Variants in HIVEP1 observed in about 807,000 individuals in gnomAD.
The protein encoded by HIVEP1 is zinc finger protein 40.
Under a neutral mutation model 180.0 loss-of-function variants are expected in HIVEP1, and 36 were observed. The ratio of observed to expected loss-of-function variants is 0.20; its 90% CI spans 0.15 to 0.26. The LOEUF (loss-of-function observed/expected upper bound fraction) is 0.26. HIVEP1 is among the 10% of genes least tolerant of loss of function. The probability of loss-of-function intolerance (pLI) is 1.00; values close to 1 mark genes in which losing one functional copy is unlikely to be tolerated. For synonymous variants in HIVEP1, 1,239 were observed against 1,239.0 expected, an observed-to-expected ratio of 1.00 and a Z score of 0.00; for missense variants, 3,143 against 3,268.7, an observed-to-expected ratio of 0.96 and a Z score of 0.94.
intron 2 of HIVEP1, among the ~76,000 whole-genome samples, chr6:12,052,826 G>C (rs1160764834): frequency 6.6e-6 from 1 of 152,104 alleles, no homozygotes; most frequent in Non-Finnish European, 1.5e-5. Context: ...ATTAAGACTA[G>C]GTAACCATCT....
In HIVEP1 at chr6:12,021,674, T is replaced by C. The variant is rs546497616; in HGVS notation, c.40+6006T>C. 2.6e-5 allele frequency among the ~76,000 whole-genome samples: 4 copies of C among 152,346 alleles called. No individual in the cohort carries two copies. In the South Asian group the frequency reaches 8.3e-4, roughly 32 times the overall value. On this transcript the variant is annotated intron_variant, in intron 2 of 8. Coordinates refer to ENST00000379388, the MANE Select transcript of HIVEP1 (RefSeq NM_002114.4). ...GAAGAATATTTGGTTGTGTTAACTT[T>C]TTGTTTTTGAGACGGAGTTTCACTC...
At position 12,056,101 on chromosome 6, in the gene HIVEP1, G is replaced by A. The variant is rs901019683; in HGVS notation, c.41-33083G>A. On this transcript the variant is annotated intron_variant, in intron 2 of 8. Transcript: ENST00000379388. The stretch of plus-strand genomic sequence containing the variant: ...TTATCCTTGATCTGGTAAAAGGCTG[G>A]AATAGAGAAACTAAGGTTAAAAAAA... Among the ~76,000 whole-genome samples the A allele has an allele frequency of 2.0e-5, 3 of 152,030 alleles. No individual in the cohort carries two copies. The East Asian group carries it at 5.8e-4, about 29-fold the overall frequency.
At chr6:12,182,442 ACT>A in the HIVEP1 span, among the ~76,000 whole-genome samples, 2 of 152,196 alleles carry the variant, frequency 1.3e-5, no homozygotes, top group African/African-American at 4.8e-5. Context: ...GTTATTGGTG[ACT>A]CTAAGAGATC....
At chr6:12,140,460 C>G (rs1423017172) in intron 7 of HIVEP1, among the ~76,000 whole-genome samples, 2 of 152,224 alleles carry the variant, frequency 1.3e-5, no homozygotes, top group African/African-American at 4.8e-5. Context: ...AGACCCTCTT[C>G]TCTTCCAAAA....
chr6:12,170,672 G>A, the HIVEP1 span, among the ~76,000 whole-genome samples: 1 of 152,270 alleles, frequency 6.6e-6, no homozygotes, highest in Non-Finnish European at 1.5e-5. Context: ...TGACGAAGCC[G>A]CAATAATATT....
intron 7 of HIVEP1, among the ~76,000 whole-genome samples, chr6:12,158,606 C>T (rs1217692495): frequency 2.0e-5 from 3 of 152,178 alleles, no homozygotes; most frequent in Admixed American, 1.3e-4. Context: ...CTCGTACCTG[C>T]ACCATTTTCT....
chr6:12,028,725 T>G (rs528421407), intron 2 of HIVEP1, among the ~76,000 whole-genome samples: 2 of 152,240 alleles, frequency 1.3e-5, no homozygotes, highest in African/African-American at 4.8e-5. Context: ...ATAATTTACA[T>G]GCAATAAAAT....
Position 12,125,749 on chromosome 6 carries a change from C to A in HIVEP1, c.5954C>A (p.Ala1985Glu). ...PNPLGLPTKV[A>E]LALLNSKQNT... ...CCACTCGGTTTGCCCACAAAAGTTGCACTTGCTCTCCTTAATTCAAAACAG... is the reference window on the plus strand; with the variant it reads ...CCACTCGGTTTGCCCACAAAAGTTGAACTTGCTCTCCTTAATTCAAAACAG... Residue 1985 changes from alanine to glutamate, a missense_variant, in exon 4 of 9, where the codon GCA becomes GAA. Around this residue, in one of 12 missense-constraint regions of HIVEP1, gnomAD observed 1,357 missense variants for 1,260.5 expected, o/e 1.08. Coordinates refer to ENST00000379388, the MANE Select transcript of HIVEP1 (RefSeq NM_002114.4). 1.2e-6 allele frequency: 2 copies of A among 1,614,090 alleles called. No individual in the cohort carries two copies. The highest frequency in any genetic ancestry group is 1.7e-6 in the Non-Finnish European group (2 of 1,179,940).
intron 3 of HIVEP1, among the ~76,000 whole-genome samples, chr6:12,112,079 T>C (rs1235559573): frequency 6.6e-6 from 1 of 152,226 alleles, no homozygotes; most frequent in Non-Finnish European, 1.5e-5. Flanking sequence ...AACATTTCAG[T>C]ATAGGCCTGA....
rs1336618129 is a variant in HIVEP1 at position 12,121,624 on chromosome 6, A to G, written c.1829A>G (p.Gln610Arg). Residue 610 changes from glutamine to arginine, a missense_variant, in exon 4 of 9, where the codon CAG becomes CGG. Gln to Arg is a conservative substitution (Grantham distance 43, BLOSUM62 1). This residue lies in a region of HIVEP1 where 365 missense variants were observed against 344.4 expected (regional missense o/e 1.06). Coordinates refer to ENST00000379388, the MANE Select transcript of HIVEP1 (RefSeq NM_002114.4). The surrounding 1 kb of genome is among the most constrained non-coding windows in gnomAD (Gnocchi z 5.3). ...CAGCCACTTTCAGCCAACATGTCCC[A>G]GGGTGGAGTCTCCAGGTTGGAGACT... ...NVQPLSANMSQGGVSRLETNE... is the reference protein window; with the variant it reads ...NVQPLSANMSRGGVSRLETNE... The G allele has an allele frequency of 1.9e-6, 3 of 1,614,184 alleles. No individual in the cohort carries two copies. The Admixed American group carries it at 5.0e-5, about 27-fold the overall frequency.
intron 2 of HIVEP1, chr6:12,020,458 C>T (rs1409662604): frequency 2.1e-6 from 1 of 471,098 alleles, no homozygotes; most frequent in East Asian, 6.9e-5. Context: ...TCCCAGCCAT[C>T]ATTCCTTACT....
chr6:12,211,343 T>C, the HIVEP1 span, among the ~76,000 whole-genome samples: 1 of 101,698 alleles, frequency 9.8e-6, no homozygotes, highest in Non-Finnish European at 1.9e-5. Flanking sequence ...GAGCTTGCAG[T>C]GAGCCGAGAT....
At position 12,012,472 on chromosome 6, in the gene HIVEP1, G is replaced by T. The variant is rs1056213088; in HGVS notation, c.-198G>T. The T allele has an allele frequency of 1.1e-4, 17 of 150,126 alleles. No homozygotes were observed. Among genetic ancestry groups the T allele is most frequent in the Non-Finnish European group, 2.2e-4 (15 of 67,360 alleles). The allele number at this position is 150,126 out of a possible 1,614,324, so 9.3% of individuals were successfully genotyped here. On this transcript the variant is annotated 5_prime_UTR_variant, in exon 1 of 9. Coordinates refer to ENST00000379388, the MANE Select transcript of HIVEP1 (RefSeq NM_002114.4). ...GCGCCGCCGCCGCCGCCGCGCGGGG[G>T]TCGCGGAGATCCCGAGCCGCGGCCG...
At chr6:12,174,072 A>G in the HIVEP1 span, among the ~76,000 whole-genome samples, 1 of 152,210 alleles carries the variant, frequency 6.6e-6, no homozygotes, top group African/African-American at 2.4e-5. Flanking sequence ...TGTTCCTTCA[A>G]CATTTTTATT....
intron 6 of HIVEP1, among the ~76,000 whole-genome samples, chr6:12,133,260 G>A (rs1459890054): frequency 6.6e-6 from 1 of 152,082 alleles, no homozygotes; most frequent in South Asian, 2.1e-4. Context: ...TACGTTAAAG[G>A]TCAGTCAGCA....
intron 7 of HIVEP1, among the ~76,000 whole-genome samples, chr6:12,142,813 A>G (rs1017580319): frequency 1.1e-4 from 16 of 152,266 alleles, no homozygotes; most frequent in South Asian, 2.1e-4. Flanking sequence ...GGACACATAC[A>G]CCCTCCCAAG....
chr6:12,193,529 A>C, the HIVEP1 span, among the ~76,000 whole-genome samples: 1 of 152,358 alleles, frequency 6.6e-6, no homozygotes, highest in African/African-American at 2.4e-5. Context: ...GTCATTTAAA[A>C]GTAAATTGCT....
At chr6:12,106,425 CTT>C (rs1487010700) in intron 3 of HIVEP1, among the ~76,000 whole-genome samples, 1 of 151,992 alleles carries the variant, frequency 6.6e-6, no homozygotes, top group Non-Finnish European at 1.5e-5. Context: ...ATACTGAAAA[CTT>C]TAAAATTTTC....
intron 7 of HIVEP1, among the ~76,000 whole-genome samples, chr6:12,154,470 C>T (rs1350633650): frequency 6.6e-6 from 1 of 152,204 alleles, no homozygotes; most frequent in Non-Finnish European, 1.5e-5. Flanking sequence ...CCGTCTGTCT[C>T]AGCTTGCATT....
Sources: gnomAD v4.1 joint callset for allele counts (sites outside exome capture counted in the v4.1 genomes callset) on GRCh38, gnomAD v4.1.1 for gene constraint, gnomAD v4.1.1 regional missense constraint, Gnocchi (gnomAD v3.1) non-coding constraint, MANE v1.5 for transcripts, NCBI Gene and HGNC (gene_info 2026-07-23, HGNC 2026-07-21) for gene names.